ACTN4: variants seen among roughly 807,000 people sequenced by gnomAD.
ACTN4 encodes the protein alpha-actinin-4.
A neutral mutation model predicts 114.2 loss-of-function variants in ACTN4; 18 were observed. The observed-to-expected ratio is 0.16, with a 90% confidence interval of 0.11 to 0.23. ACTN4 has a LOEUF of 0.23. Among genes scored for constraint, ACTN4 ranks in the 10% least tolerant of loss-of-function variants. ACTN4 has a pLI of 1.00. For synonymous variants in ACTN4, 515 were observed against 506.3 expected, an observed-to-expected ratio of 1.02 and a Z score of -0.23; for missense variants, 722 against 1,262.9, an observed-to-expected ratio of 0.57 and a Z score of 6.49.
chr19:38,717,022 G>C lies in ACTN4; in HGVS notation c.913-64G>C. Reference sequence around the variant, plus strand: ...CAGATCCCATGTGCCCATAAGCTGGGGGGCAGCCCGTCAGCACTCTGAGGG... The same window carrying C: ...CAGATCCCATGTGCCCATAAGCTGGCGGGCAGCCCGTCAGCACTCTGAGGG... On this transcript the variant is annotated intron_variant, in intron 9 of 20. Transcript: ENST00000252699. The surrounding 1 kb of genome is among the most constrained non-coding windows in gnomAD (Gnocchi z 4.0). The C allele has an allele frequency of 6.6e-7, 1 of 1,526,356 alleles. No individual in the cohort carries two copies. Among genetic ancestry groups the C allele is most frequent in the Middle Eastern group, 1.7e-4 (1 of 5,884 alleles). 94.6% of individuals were successfully genotyped at this position (1,526,356 alleles called of 1,614,324 possible).
At chr19:38,686,648 G>A (rs1967752898) in intron 1 of ACTN4, among the ~76,000 whole-genome samples, 1 of 152,236 alleles carries the variant, frequency 6.6e-6, no homozygotes, top group African/African-American at 2.4e-5. Context: ...CTGGAGGGCT[G>A]AGCACTGCCT....
chr19:38,730,870 C>G lies in ACTN4; in HGVS notation c.*1438C>G. The G allele has an allele frequency of 6.4e-7, 1 of 1,551,556 alleles. No homozygotes were observed. Among genetic ancestry groups the G allele is most frequent in the Non-Finnish European group, 8.7e-7 (1 of 1,147,480 alleles). On this transcript the variant is annotated 3_prime_UTR_variant, in exon 21 of 21. Transcript: ENST00000252699. Reference sequence around the variant, plus strand: ...GGAGATCCTAGGAGAAGGTGGCCACCTCCATCCACTAAGGAAGAGAAGGAA... The same window carrying G: ...GGAGATCCTAGGAGAAGGTGGCCACGTCCATCCACTAAGGAAGAGAAGGAA...
At chr19:38,684,373 G>C (rs1967674100) in intron 1 of ACTN4, among the ~76,000 whole-genome samples, 1 of 152,156 alleles carries the variant, frequency 6.6e-6, no homozygotes, top group African/African-American at 2.4e-5. Context: ...AGAGCACTCA[G>C]GACCACCTAG....
intron 1 of ACTN4, among the ~76,000 whole-genome samples, chr19:38,689,311 A>C (rs1051612399): frequency 6.6e-6 from 1 of 152,240 alleles, no homozygotes; most frequent in Admixed American, 6.5e-5. Context: ...GGAGAAGCCA[A>C]ACTCAAAGAT....
In ACTN4 at chr19:38,724,402, C is replaced by A. The variant is rs1396383106; in HGVS notation, c.1876-29C>A. Reference sequence around the variant, plus strand: ...GCGGGGCTGGGGGCCACCTCCCTGACCGCTCCCACACCGCGTCTCCTCTGC... The same window carrying A: ...GCGGGGCTGGGGGCCACCTCCCTGAACGCTCCCACACCGCGTCTCCTCTGC... On this transcript the variant is annotated intron_variant, in intron 15 of 20. Coordinates refer to ENST00000252699, the MANE Select transcript of ACTN4 (RefSeq NM_004924.6). The surrounding 1 kb of genome is among the most constrained non-coding windows in gnomAD (Gnocchi z 7.0). 6.2e-7 allele frequency: 1 copy of A among 1,612,216 alleles called. No homozygotes were observed. The highest frequency in any genetic ancestry group is 2.2e-5 in the East Asian group (1 of 44,844).
chr19:38,691,630 C>T (rs56051293), intron 1 of ACTN4, among the ~76,000 whole-genome samples: 9 of 150,050 alleles, frequency 6.0e-5, no homozygotes, highest in East Asian at 4.0e-4. Flanking sequence ...TGGCCTGGCG[C>T]GGTGGCTCAC....
At chr19:38,702,106 C>A (rs2144998067) in intron 3 of ACTN4, among the ~76,000 whole-genome samples, 1 of 152,330 alleles carries the variant, frequency 6.6e-6, no homozygotes, top group South Asian at 2.1e-4. Flanking sequence ...GTCTTTCCTC[C>A]AGGCTCTGTT....
chr19:38,683,809 C>T (rs764645801), intron 1 of ACTN4: 1 of 152,194 alleles, frequency 6.6e-6, no homozygotes, highest in Non-Finnish European at 1.5e-5. Flanking sequence ...GTAACCAGGC[C>T]ACCTCAGCAT....
chr19:38,660,949 GTGGCATTTCAGC>G (rs1976866346), intron 1 of ACTN4, among the ~76,000 whole-genome samples: 1 of 152,142 alleles, frequency 6.6e-6, no homozygotes, highest in Admixed American at 6.5e-5. Context: ...TCTCAAAGAG[GTGGCATTTCAGC>G]TGTTCCTTAA....
chr19:38,690,729 T>A (rs62121828), intron 1 of ACTN4, among the ~76,000 whole-genome samples: 2 of 152,204 alleles, frequency 1.3e-5, no homozygotes. Flanking sequence ...GTGAGCCACC[T>A]TGCCTAGCCT....
intron 1 of ACTN4, among the ~76,000 whole-genome samples, chr19:38,667,168 A>AG (rs1160371651): frequency 2.6e-5 from 4 of 152,340 alleles, no homozygotes; most frequent in African/African-American, 9.6e-5. Context: ...GGAGGACTCA[A>AG]GGCACAGGAC....
At chr19:38,725,589 G>A (rs1055734422) in intron 16 of ACTN4, 135 bp from the exon 17 acceptor site, 3 of 909,330 alleles carry the variant, frequency 3.3e-6, no homozygotes, top group African/African-American at 3.3e-5. Flanking sequence ...TCCCTCCCAG[G>A]GACCCATGGG....
At chr19:38,671,851 A>G (rs1967139129) in intron 1 of ACTN4, among the ~76,000 whole-genome samples, 1 of 152,172 alleles carries the variant, frequency 6.6e-6, no homozygotes, top group South Asian at 2.1e-4. Flanking sequence ...AGGCTCTGTT[A>G]CCTCTGCACT....
intron 1 of ACTN4, among the ~76,000 whole-genome samples, chr19:38,688,194 G>A (rs1895964297): frequency 6.6e-6 from 1 of 152,058 alleles, no homozygotes; most frequent in African/African-American, 2.4e-5. Flanking sequence ...GATGGCTTGG[G>A]GCCACGAATT....
chr19:38,649,321 G>A (rs941477820), intron 1 of ACTN4, among the ~76,000 whole-genome samples: 15 of 139,578 alleles, frequency 1.1e-4, no homozygotes, highest in African/African-American at 4.0e-4. Context: ...CTGAGTGTGT[G>A]CAGGAAGAGC....
intron 1 of ACTN4, among the ~76,000 whole-genome samples, chr19:38,697,218 C>G (rs760948581): frequency 6.6e-6 from 1 of 152,184 alleles, no homozygotes; most frequent in East Asian, 1.9e-4. Context: ...ACCCAAGCGG[C>G]GAGGTTTGTT....
chr19:38,709,338 C>T, intron 6 of ACTN4, 57 bp from the exon 7 acceptor site: 3 of 1,367,400 alleles, frequency 2.2e-6, no homozygotes, highest in Non-Finnish European at 3.1e-6. Context: ...TGCCTCCCTC[C>T]TGCTCCTGCA....
intron 4 of ACTN4, among the ~76,000 whole-genome samples, chr19:38,705,431 G>A (rs561616603): frequency 2.8e-4 from 43 of 152,312 alleles, no homozygotes; most frequent in African/African-American, 9.4e-4. Flanking sequence ...AGCTCAGGCC[G>A]TCCAGGAATG....
intron 1 of ACTN4, among the ~76,000 whole-genome samples, chr19:38,652,615 A>G (rs756786908): frequency 2.6e-5 from 4 of 152,182 alleles, no homozygotes; most frequent in Non-Finnish European, 5.9e-5. Context: ...CTCACCCTCC[A>G]GTTGGAACTG....
Sources: gnomAD v4.1 joint callset for allele counts (sites outside exome capture counted in the v4.1 genomes callset) on GRCh38, gnomAD v4.1.1 for gene constraint, Gnocchi (gnomAD v3.1) non-coding constraint, MANE v1.5 for transcripts, NCBI Gene and HGNC (gene_info 2026-07-23, HGNC 2026-07-21) for gene names.